Variants in DPP10 observed in about 807,000 individuals in gnomAD.
DPP10 encodes dipeptidyl peptidase like 10.
DPP10 carries 33 observed loss-of-function variants against 120.9 expected under a neutral mutation model. The ratio of observed to expected loss-of-function variants is 0.27; its 90% CI spans 0.21 to 0.37. The LOEUF is 0.37. Ranked by LOEUF, DPP10 falls within the 10% of genes least tolerant of loss-of-function variation. The pLI is 1.00. For missense variants in DPP10, 816 were observed against 942.8 expected (o/e 0.87, Z 1.76); for synonymous variants, 337 against 326.1 (o/e 1.03, Z -0.36).
intron 1 of DPP10, among the ~76,000 whole-genome samples, chr2:114,489,763 T>G (rs574899551): frequency 1.3e-5 from 2 of 152,264 alleles, no homozygotes; most frequent in East Asian, 3.9e-4. Context: ...TGATTATATT[T>G]CAATCAGCAA....
chr2:115,066,370 A>G (rs554346264), intron 1 of DPP10, among the ~76,000 whole-genome samples: 23 of 73,154 alleles, frequency 3.1e-4, no homozygotes, highest in African/African-American at 8.0e-4. Context: ...TTTATACATC[A>G]AGATTATGCA....
chr2:114,891,194 A>G (rs993400417), intron 1 of DPP10, among the ~76,000 whole-genome samples: 2 of 152,192 alleles, frequency 1.3e-5, no homozygotes, highest in Non-Finnish European at 2.9e-5. Context: ...GCAGCCAAAT[A>G]GCCATATAAC....
chr2:115,163,492 A>G (rs2052595019), intron 1 of DPP10, among the ~76,000 whole-genome samples: 1 of 152,034 alleles, frequency 6.6e-6, no homozygotes, highest in Non-Finnish European at 1.5e-5. Flanking sequence ...TTTGATCCAT[A>G]CTCTGAGATA....
chr2:115,459,740 A>T (rs2073867341), intron 3 of DPP10, among the ~76,000 whole-genome samples: 1 of 151,864 alleles, frequency 6.6e-6, no homozygotes, highest in South Asian at 2.1e-4. Context: ...TATGAATTCA[A>T]ATTGTGTGTG....
At chr2:115,505,534 T>A (rs1159883675) in intron 4 of DPP10, among the ~76,000 whole-genome samples, 1 of 152,178 alleles carries the variant, frequency 6.6e-6, no homozygotes, top group Non-Finnish European at 1.5e-5. Flanking sequence ...TGTTTTGGAA[T>A]TTGGCTTCCT....
At chr2:115,635,127 T>C (rs2086215416) in intron 5 of DPP10, among the ~76,000 whole-genome samples, 1 of 151,496 alleles carries the variant, frequency 6.6e-6, no homozygotes. Context: ...CTCCCGGAAC[T>C]CAGTCATCTT....
intron 7 of DPP10, among the ~76,000 whole-genome samples, chr2:115,694,281 G>T (rs1304113297): frequency 6.6e-6 from 1 of 152,070 alleles, no homozygotes; most frequent in East Asian, 1.9e-4. Context: ...AATTAGTTTT[G>T]CATTAAATAA....
At chr2:114,546,021 C>G (rs759246644) in intron 1 of DPP10, among the ~76,000 whole-genome samples, 1 of 152,134 alleles carries the variant, frequency 6.6e-6, no homozygotes, top group South Asian at 2.1e-4. Context: ...TCCTTGGAAG[C>G]AGTTCTGTGT....
chr2:114,915,143 A>T (rs1322883879), intron 1 of DPP10, among the ~76,000 whole-genome samples: 1 of 151,474 alleles, frequency 6.6e-6, no homozygotes, highest in Non-Finnish European at 1.5e-5. Flanking sequence ...AAAAAAAAAT[A>T]AAAAATAAAA....
chr2:115,382,867 A>G (rs894653058), intron 3 of DPP10, among the ~76,000 whole-genome samples: 49 of 152,354 alleles, frequency 3.2e-4, no homozygotes, highest in African/African-American at 1.1e-3. Context: ...ATTTGTGAAA[A>G]TACATAATAG....
At chr2:114,763,877 C>T (rs541519868) in intron 1 of DPP10, among the ~76,000 whole-genome samples, 1 of 152,278 alleles carries the variant, frequency 6.6e-6, no homozygotes, top group Non-Finnish European at 1.5e-5. Context: ...AGAGATTACT[C>T]TTTCAAGTGA....
At chr2:115,310,777 A>G (rs2061545074) in intron 2 of DPP10, among the ~76,000 whole-genome samples, 3 of 152,194 alleles carry the variant, frequency 2.0e-5, no homozygotes, top group Admixed American at 6.5e-5. Flanking sequence ...CAAGAAGTTT[A>G]ACATAATTAT....
chr2:114,610,359 A>G (rs1693183888), intron 1 of DPP10, among the ~76,000 whole-genome samples: 1 of 152,104 alleles, frequency 6.6e-6, no homozygotes, highest in Non-Finnish European at 1.5e-5. Context: ...AACCTAGGGG[A>G]ACGGATATCC....
At chr2:115,379,289 A>G (rs1303665922) in intron 3 of DPP10, among the ~76,000 whole-genome samples, 1 of 152,096 alleles carries the variant, frequency 6.6e-6, no homozygotes, top group Non-Finnish European at 1.5e-5. Flanking sequence ...GGGAGAGTGT[A>G]TGTGTCGAGG....
At chr2:115,416,040 A>C (rs1057194318) in intron 3 of DPP10, among the ~76,000 whole-genome samples, 1 of 151,828 alleles carries the variant, frequency 6.6e-6, no homozygotes, top group Admixed American at 6.6e-5. Flanking sequence ...AGTAAACTTG[A>C]AGTCATTTTT....
intron 1 of DPP10, among the ~76,000 whole-genome samples, chr2:114,710,966 AG>A (rs1381350259): frequency 6.6e-6 from 1 of 152,200 alleles, no homozygotes; most frequent in African/African-American, 2.4e-5. Flanking sequence ...AAACCAGGAA[AG>A]ACAAGAGAAT....
intron 1 of DPP10, among the ~76,000 whole-genome samples, chr2:115,244,233 TATATATAGAGAGAGAGAGAGAG>T (rs1176047284): frequency 0.017 from 745 of 44,396 alleles, 6 homozygotes; most frequent in African/African-American, 0.07. Context: ...TATATATATA[TATATATAGAGAGAGAGAGAGAG>T]AGAGAGAGAG....
intron 5 of DPP10, among the ~76,000 whole-genome samples, chr2:115,628,939 A>T (rs1388548162): frequency 6.6e-6 from 1 of 151,978 alleles, no homozygotes; most frequent in Non-Finnish European, 1.5e-5. Flanking sequence ...TACATTAGGT[A>T]TATCTCCTAA....
intron 1 of DPP10, among the ~76,000 whole-genome samples, chr2:114,711,209 A>G (rs889241697): frequency 1.3e-5 from 2 of 152,192 alleles, no homozygotes; most frequent in African/African-American, 4.8e-5. Context: ...CATAGACAAT[A>G]ATTGTAGCAG....
Sources: gnomAD v4.1 joint callset for allele counts (sites outside exome capture counted in the v4.1 genomes callset) on GRCh38, gnomAD v4.1.1 for gene constraint, MANE v1.5 for transcripts, NCBI Gene and HGNC (gene_info 2026-07-23, HGNC 2026-07-21) for gene names.